The following LRPPRC variants were observed in gnomAD, a reference collection of about 807,000 sequenced individuals.
LRPPRC encodes leucine rich pentatricopeptide repeat containing.
LRPPRC carries 120 observed loss-of-function variants against 180.3 expected under a neutral mutation model. The ratio of observed to expected loss-of-function variants is 0.67; its 90% CI spans 0.57 to 0.77. The LOEUF is 0.77. LRPPRC is among the 30% of genes least tolerant of loss of function. The pLI is 0.00. For synonymous variants in LRPPRC, 723 were observed against 600.0 expected (o/e 1.21, Z -3.00); for missense variants, 2,012 against 1,657.2 (o/e 1.21, Z -3.72).
At chr2:43,934,344 A>C in intron 24 of LRPPRC, 48 bp from the exon 25 acceptor site, 2 of 862,674 alleles carry the variant, frequency 2.3e-6, no homozygotes, top group Non-Finnish European at 3.8e-6. Context: ...AAAAAAACCC[A>C]GAAAAACAGT....
chr2:43,986,240 A>G (rs199805847), intron 1 of LRPPRC, among the ~76,000 whole-genome samples: 3 of 152,066 alleles, frequency 2.0e-5, no homozygotes, highest in Non-Finnish European at 1.5e-5. Flanking sequence ...AGCGATTCTC[A>G]TGCCTCAGCC....
At chr2:43,936,577 G>A (rs1454356074) in intron 23 of LRPPRC, among the ~76,000 whole-genome samples, 1 of 152,084 alleles carries the variant, frequency 6.6e-6, no homozygotes. Context: ...GCCCTAAGTT[G>A]AATTACTATT....
chr2:43,921,613 C>CATGG, intron 27 of LRPPRC, among the ~76,000 whole-genome samples: 1 of 152,110 alleles, frequency 6.6e-6, no homozygotes, highest in African/African-American at 2.4e-5. Context: ...ACAGAGAAGA[C>CATGG]ATGGAAAGGA....
At chr2:43,967,327 C>G (rs1673602774) in intron 11 of LRPPRC, among the ~76,000 whole-genome samples, 1 of 152,100 alleles carries the variant, frequency 6.6e-6, no homozygotes, top group African/African-American at 2.4e-5. Flanking sequence ...CCTGGGAGGT[C>G]AAGGCTGACA....
Position 43,886,467 on chromosome 2 carries a change from A to ATAGT in LRPPRC, c.*2129_*2132dup, listed in dbSNP as rs1670274469. 6.6e-6 allele frequency: 1 copy of ATAGT among 152,234 alleles called. No homozygotes were observed. Among genetic ancestry groups the ATAGT allele is most frequent in the Admixed American group, 6.5e-5 (1 of 15,288 alleles). The allele number at this position is 152,234 out of a possible 1,614,324, so 9.4% of individuals were successfully genotyped here. The stretch of plus-strand genomic sequence containing the variant: ...GAACACTCATAAGCCCACCTACAGT[A>ATAGT]TAGTTATTATACTTTAAATATTTAT... On this transcript the variant is annotated 3_prime_UTR_variant, in exon 38 of 38. Coordinates refer to ENST00000260665, the MANE Select transcript of LRPPRC (RefSeq NM_133259.4).
intron 15 of LRPPRC, among the ~76,000 whole-genome samples, chr2:43,949,993 G>A (rs964819358): frequency 2.6e-5 from 4 of 152,104 alleles, no homozygotes; most frequent in African/African-American, 9.7e-5. Context: ...AGGAATTATT[G>A]ACCAATATTA....
At chr2:43,892,007 T>C (rs1455972554) in intron 36 of LRPPRC, among the ~76,000 whole-genome samples, 3 of 152,208 alleles carry the variant, frequency 2.0e-5, no homozygotes, top group Non-Finnish European at 4.4e-5. Context: ...AGCCACAACA[T>C]TCCCTTAAAA....
intron 25 of LRPPRC, among the ~76,000 whole-genome samples, chr2:43,928,097 A>C (rs62138286): frequency 0.082 from 12,469 of 152,334 alleles, 604 homozygotes; most frequent in South Asian, 0.14. Flanking sequence ...TCTAATGAAC[A>C]GTGAGGATAC....
intron 11 of LRPPRC, among the ~76,000 whole-genome samples, chr2:43,965,987 G>C (rs1338872747): frequency 2.0e-5 from 3 of 152,100 alleles, no homozygotes; most frequent in Non-Finnish European, 4.4e-5. Flanking sequence ...TATGTCCAAA[G>C]GAAATAAAAT....
At chr2:43,995,407 C>A (rs1271276644) in intron 1 of LRPPRC, among the ~76,000 whole-genome samples, 2 of 152,228 alleles carry the variant, frequency 1.3e-5, no homozygotes, top group Admixed American at 1.3e-4. Flanking sequence ...TAGGTGGTTA[C>A]TGATCACCAA....
chr2:43,946,337 A>C, intron 20 of LRPPRC, 94 bp from the exon 21 acceptor site: 1 of 907,246 alleles, frequency 1.1e-6, no homozygotes, highest in Non-Finnish European at 1.8e-6. Flanking sequence ...AGAAAAAGTT[A>C]ATAGTACTTT....
chr2:43,890,435 C>T (rs1379101312), intron 36 of LRPPRC: 5 of 441,034 alleles, frequency 1.1e-5, no homozygotes, highest in African/African-American at 2.0e-5. Context: ...ACCTATAGGC[C>T]GGGCGCAGTG....
intron 27 of LRPPRC, among the ~76,000 whole-genome samples, chr2:43,919,560 C>A (rs1208467421): frequency 6.6e-6 from 1 of 152,158 alleles, no homozygotes; most frequent in Non-Finnish European, 1.5e-5. Context: ...TAGGCAGATC[C>A]CTTCATATTG....
At position 43,948,173 on chromosome 2, in the gene LRPPRC, G is replaced by C; in HGVS notation, c.1869C>G (p.Tyr623Ter). Residue 623 changes from tyrosine (Y) to a stop codon, truncating the protein, a stop_gained, in exon 18 of 38, where the codon TAC becomes TAG. Transcript: ENST00000260665. LOFTEE classifies it high-confidence loss of function. Reference protein sequence around the residue: ...KMNVKIPENIYRGIRNLLESY... With the variant: ...KMNVKIPENI ...TTTCCAGGAGATTACGAATGCCTCTGTAGATATTTTCAGGAATTTTTACAT... is the reference window on the plus strand; with the variant it reads ...TTTCCAGGAGATTACGAATGCCTCTCTAGATATTTTCAGGAATTTTTACAT... The C allele has an allele frequency of 6.2e-7, 1 of 1,606,388 alleles. No individual in the cohort carries two copies. Among genetic ancestry groups the C allele is most frequent in the Non-Finnish European group, 8.5e-7 (1 of 1,173,108 alleles).
chr2:43,995,867 G>C lies in LRPPRC; in HGVS notation c.81C>G (p.Leu27=), dbSNP rs1266747593. The part of the protein sequence containing the change: ...APRLPLSLRL[L]PGGPGRLHAA... ...CATGCAGCCGGCCCGGGCCGCCAGG[G>C]AGGAGGCGCAGGGAGAGCGGGAGGC... Residue 27 remains leucine, a synonymous_variant, in exon 1 of 38, where the codon CTC becomes CTG. Transcript: ENST00000260665. 9 of 1,494,538 alleles carry C rather than the reference G, an allele frequency of 6.0e-6. No homozygotes were observed. The highest frequency in any genetic ancestry group is 8.0e-6 in the Non-Finnish European group (9 of 1,129,730). 92.6% of individuals were successfully genotyped at this position (1,494,538 alleles called of 1,614,324 possible). A position where few individuals can be genotyped will look rare whatever the true frequency, so the allele number is the denominator to read the frequency against.
chr2:43,934,810 A>G lies in LRPPRC; in HGVS notation c.2573T>C (p.Ile858Thr). The G allele has an allele frequency of 1.2e-6, 2 of 1,610,818 alleles. No homozygotes were observed. Among genetic ancestry groups the G allele is most frequent in the South Asian group, 1.1e-5 (1 of 91,000 alleles). The change falls in exon 24 of 38, where the codon ATT (isoleucine) becomes ACT (threonine). Residue 858 changes from isoleucine (I) to threonine (T), a missense_variant. Physicochemically the swap from Ile to Thr is moderately conservative, Grantham distance 89. Coordinates refer to ENST00000260665, the MANE Select transcript of LRPPRC (RefSeq NM_133259.4). Reference sequence around the variant, plus strand: ...TACCAGTTTACACAAGACATCATGAATCCTTGGTAATACTTTATACTTTTC... The same window carrying G: ...TACCAGTTTACACAAGACATCATGAGTCCTTGGTAATACTTTATACTTTTC... The part of the protein sequence containing the change: ...CYEKYKVLPR[I>T]HDVLCKLVEK...
At chr2:43,956,761 G>A (rs1201500101) in intron 14 of LRPPRC, among the ~76,000 whole-genome samples, 2 of 152,050 alleles carry the variant, frequency 1.3e-5, no homozygotes, top group African/African-American at 4.8e-5. Context: ...GTGGTGGTGG[G>A]CACCGGTAGT....
In LRPPRC at chr2:43,934,884, A is replaced by T. The variant is rs780017975; in HGVS notation, c.2505-6T>A. On this transcript the variant is annotated splice_polypyrimidine_tract_variant and splice_region_variant and intron_variant, in intron 23 of 37. Transcript: ENST00000260665. ...GAGCAGTAGATAGGTCGCCCCTTAG[A>T]AACAAAAAAATTAGCAATGAATAAA... The T allele has an allele frequency of 6.2e-7, 1 of 1,612,002 alleles. No homozygotes were observed. The highest frequency in any genetic ancestry group is 1.7e-5 in the Admixed American group (1 of 59,922).
chr2:43,905,238 T>C (rs991775948), intron 31 of LRPPRC, among the ~76,000 whole-genome samples: 3 of 152,232 alleles, frequency 2.0e-5, no homozygotes, highest in Admixed American at 2.0e-4. Flanking sequence ...CCCACACATT[T>C]AACACTCAAT....
Sources: allele counts gnomAD v4.1 joint callset (sites outside exome capture counted in the v4.1 genomes callset), GRCh38; gene constraint gnomAD v4.1.1; transcripts MANE v1.5; gene names NCBI Gene and HGNC (gene_info 2026-07-23, HGNC 2026-07-21).